Variants in USP43 observed in about 807,000 individuals in gnomAD.
The protein encoded by USP43 is ubiquitin carboxyl-terminal hydrolase 43.
A neutral mutation model predicts 90.7 loss-of-function variants in USP43; 33 were observed. The ratio of observed to expected loss-of-function variants is 0.36; its 90% CI spans 0.28 to 0.49. The LOEUF (loss-of-function observed/expected upper bound fraction) is 0.49, where lower values mean the gene tolerates loss of function less well. USP43 is among the 20% of genes least tolerant of loss of function. The pLI is 0.98. For missense variants in USP43, 1,274 were observed against 1,476.4 expected (o/e 0.86, Z 2.25); for synonymous variants, 598 against 615.8 (o/e 0.97, Z 0.43).
intron 12 of USP43, among the ~76,000 whole-genome samples, chr17:9,703,777 A>G (rs1915712680): frequency 6.6e-6 from 1 of 152,202 alleles, no homozygotes; most frequent in Non-Finnish European, 1.5e-5. Flanking sequence ...TCTGGGCTTC[A>G]AACCTGGGCC....
intron 12 of USP43, among the ~76,000 whole-genome samples, chr17:9,703,038 A>G (rs1915667078): frequency 1.3e-5 from 2 of 152,162 alleles, no homozygotes; most frequent in African/African-American, 4.8e-5. Flanking sequence ...CCTGCTCCAG[A>G]TGAGGGCTTG....
chr17:9,682,080 G>A (rs1597846468), intron 6 of USP43, among the ~76,000 whole-genome samples: 2 of 152,262 alleles, frequency 1.3e-5, no homozygotes, highest in Non-Finnish European at 2.9e-5. Context: ...TGCAAATGGA[G>A]GCTAGTCCAA....
In USP43 at chr17:9,728,944, C is replaced by T; in HGVS notation, c.3326C>T (p.Thr1109Ile). The T allele has an allele frequency of 6.3e-7, 1 of 1,599,018 alleles. No homozygotes were observed. The highest frequency in any genetic ancestry group is 8.5e-7 in the Non-Finnish European group (1 of 1,170,568). ...YGTFQRVKYH[T>I]LSLGRKKTLP... The stretch of plus-strand genomic sequence containing the variant: ...ACCTTTCAGAGAGTCAAATATCACA[C>T]TCTTTCTTTAGGTCGAAAGAAAACC... The change falls in exon 15 of 15, where the codon ACT (threonine) becomes ATT (isoleucine). Residue 1109 changes from threonine to isoleucine, a missense_variant. By Grantham distance (89) the Thr-to-Ile change is moderately conservative. This residue lies in a region of USP43 where 353 missense variants were observed against 329.7 expected (regional missense o/e 1.07). Coordinates refer to ENST00000285199, the MANE Select transcript of USP43 (RefSeq NM_153210.5). This position sits in a 1 kb window ranked among gnomAD's most constrained non-coding sequence, Gnocchi z 6.2.
chr17:9,654,466 A>G (rs1319302517), intron 1 of USP43, among the ~76,000 whole-genome samples: 9 of 151,982 alleles, frequency 5.9e-5, no homozygotes, highest in Non-Finnish European at 1.2e-4. Flanking sequence ...CCTGGACAAC[A>G]TGGTGAAACC....
chr17:9,703,722 A>G (rs1004044504), intron 12 of USP43, among the ~76,000 whole-genome samples: 9 of 152,150 alleles, frequency 5.9e-5, no homozygotes, highest in Admixed American at 1.3e-4. Flanking sequence ...AACATACACA[A>G]TCTTTTCCCT....
At chr17:9,696,971 C>T (rs1023797668) in intron 9 of USP43, among the ~76,000 whole-genome samples, 3 of 152,244 alleles carry the variant, frequency 2.0e-5, no homozygotes, top group African/African-American at 7.2e-5. Context: ...AATCCCAGCA[C>T]TTGGGGAGGC....
intron 2 of USP43, among the ~76,000 whole-genome samples, chr17:9,660,438 C>T (rs926912503): frequency 3.9e-5 from 6 of 152,152 alleles, no homozygotes; most frequent in African/African-American, 1.4e-4. Flanking sequence ...TGTGAGCCAC[C>T]ACGCCCGACC....
intron 13 of USP43, among the ~76,000 whole-genome samples, chr17:9,711,541 G>T (rs1916196931): frequency 6.6e-6 from 1 of 152,076 alleles, no homozygotes; most frequent in Non-Finnish European, 1.5e-5. Flanking sequence ...CAATTCTCCT[G>T]CCTCAGCCTC....
intron 12 of USP43, among the ~76,000 whole-genome samples, chr17:9,704,137 A>G (rs1343831397): frequency 6.6e-6 from 1 of 152,110 alleles, no homozygotes; most frequent in Non-Finnish European, 1.5e-5. Flanking sequence ...AGGATAGGAT[A>G]TATTTTTCTC....
chr17:9,697,589 A>G (rs965056949), intron 9 of USP43, among the ~76,000 whole-genome samples: 1 of 149,982 alleles, frequency 6.7e-6, no homozygotes, highest in African/African-American at 2.5e-5. Flanking sequence ...GTGGTATTTG[A>G]TTTTCTGTTT....
chr17:9,721,259 T>A (rs1916940439), intron 14 of USP43, among the ~76,000 whole-genome samples: 1 of 152,188 alleles, frequency 6.6e-6, no homozygotes. Context: ...GTTTCCTCTA[T>A]GGCTTTTATT....
chr17:9,712,272 G>A lies in USP43; in HGVS notation c.2335+140G>A. On this transcript the variant is annotated intron_variant, in intron 14 of 14. Transcript: ENST00000285199. ...GAGAGGTTTGTTCATCTCTTAAATG[G>A]GGTCTTCTATGACCTGCCCTTCCTT... is the stretch of plus-strand genomic sequence containing the variant. 2.7e-6 allele frequency: 3 copies of A among 1,098,092 alleles called. No homozygotes were observed. In the South Asian group the frequency reaches 7.0e-5, roughly 26 times the overall value. 68.0% of individuals were successfully genotyped at this position (1,098,092 alleles called of 1,614,324 possible). A position where few individuals can be genotyped will look rare whatever the true frequency, so the allele number is the denominator to read the frequency against.
chr17:9,712,257 T>C (rs1916246515), intron 14 of USP43, 125 bp downstream of exon 14: 1 of 1,205,100 alleles, frequency 8.3e-7, no homozygotes, highest in African/African-American at 1.6e-5. Flanking sequence ...GAGAGGTTTG[T>C]TCATCTCTTA....
Position 9,712,109 on chromosome 17 carries a change from A to G in USP43, c.2312A>G (p.Asn771Ser), listed in dbSNP as rs1165184641. 9 of 1,600,174 alleles carry G rather than the reference A, an allele frequency of 5.6e-6. No individual in the cohort carries two copies. The highest frequency in any genetic ancestry group is 7.7e-6 in the Non-Finnish European group (9 of 1,173,000). The change falls in exon 14 of 15, where the codon AAC becomes AGC. Residue 771 changes from asparagine (N) to serine (S), a missense_variant. Transcript: ENST00000285199. Reference sequence around the variant, plus strand: ...GTTCCTGACTCTCCCATCTTCACCAACAGCCTCTGCAATCAGGAAAAGGGT... The same window carrying G: ...GTTCCTGACTCTCCCATCTTCACCAGCAGCCTCTGCAATCAGGAAAAGGGT... ...PQVPDSPIFT[N>S]SLCNQEKGGL...
chr17:9,688,051 T>C (rs530358410), intron 8 of USP43, among the ~76,000 whole-genome samples: 1 of 152,202 alleles, frequency 6.6e-6, no homozygotes, highest in Non-Finnish European at 1.5e-5. Flanking sequence ...AGTGGCGTGA[T>C]CTCGGCTCAC....
intron 14 of USP43, among the ~76,000 whole-genome samples, chr17:9,726,309 G>A (rs79737594): frequency 0.05 from 7,610 of 152,202 alleles, 461 homozygotes; most frequent in East Asian, 0.33. Flanking sequence ...GTCACACATC[G>A]TGTTGGCTGT....
chr17:9,693,639 C>G (rs1020478665), intron 9 of USP43, among the ~76,000 whole-genome samples: 2 of 152,040 alleles, frequency 1.3e-5, no homozygotes, highest in African/African-American at 4.8e-5. Flanking sequence ...ATTTTGAGAC[C>G]AGTCTGGCCA....
At position 9,728,095 on chromosome 17, in the gene USP43, C is replaced by T. The variant is rs1386379593; in HGVS notation, c.2477C>T (p.Pro826Leu). 4.3e-6 allele frequency: 7 copies of T among 1,613,820 alleles called. No individual in the cohort carries two copies. The highest frequency in any genetic ancestry group is 5.9e-6 in the Non-Finnish European group (7 of 1,179,898). Residue 826 changes from proline (P) to leucine (L), a missense_variant, in exon 15 of 15, where the codon CCA becomes CTA. Physicochemically the swap from Pro to Leu is moderately conservative, Grantham distance 98. Transcript: ENST00000285199. The surrounding 1 kb of genome is among the most constrained non-coding windows in gnomAD (Gnocchi z 6.2). ...RWSFGSKEKP[P>L]GASVELVEYL... ...TCCTTTGGATCCAAGGAGAAACCAC[C>T]AGGTGCCTCCGTCGAGTTGGTGGAG...
At chr17:9,662,613 CT>C (rs1166169547) in intron 2 of USP43, among the ~76,000 whole-genome samples, 1 of 152,074 alleles carries the variant, frequency 6.6e-6, no homozygotes, top group East Asian at 1.9e-4. Context: ...TTCCTGAACC[CT>C]TGAGCCTCCT....
Sources: gnomAD v4.1 joint callset for allele counts (sites outside exome capture counted in the v4.1 genomes callset) on GRCh38, gnomAD v4.1.1 for gene constraint, gnomAD v4.1.1 regional missense constraint, Gnocchi (gnomAD v3.1) non-coding constraint, MANE v1.5 for transcripts, NCBI Gene and HGNC (gene_info 2026-07-23, HGNC 2026-07-21) for gene names.